IDO2: variants seen among roughly 807,000 people sequenced by gnomAD.
IDO2 encodes indoleamine 2,3-dioxygenase 2.
In IDO2, 46 loss-of-function variants were observed where a neutral mutation model predicts 45.1. That is an observed-to-expected ratio of 1.02 (90% CI 0.80 to 1.30). The LOEUF is 1.30. Ranked by LOEUF, IDO2 falls within the 50% of genes most tolerant of loss-of-function variation. The pLI is 0.00. For synonymous variants in IDO2, 218 were observed against 184.9 expected (o/e 1.18, Z -1.45); for missense variants, 544 against 491.8 (o/e 1.11, Z -1.00).
intron 1 of IDO2, among the ~76,000 whole-genome samples, chr8:39,945,962 C>T (rs1807721644): frequency 6.6e-6 from 1 of 152,214 alleles, no homozygotes; most frequent in Admixed American, 6.5e-5. Context: ...AAGATAGTAA[C>T]AGCCCTTTCC....
chr8:39,940,770 T>A lies in IDO2; in HGVS notation c.-18+5552T>A, dbSNP rs184659117. Among the ~76,000 whole-genome samples, 846 of 152,130 alleles carry A rather than the reference T, an allele frequency of 5.6e-3. 8 individuals carry two copies. Among genetic ancestry groups the A allele is most frequent in the South Asian group, 0.015 (73 of 4,820 alleles). ...CATCCCACCCTCTGGTAACCACTGTTCTACTCTCTGCTTCCCAAAACAAAG... is the reference window on the plus strand; with the variant it reads ...CATCCCACCCTCTGGTAACCACTGTACTACTCTCTGCTTCCCAAAACAAAG... On this transcript the variant is annotated intron_variant, in intron 1 of 10. Transcript: ENST00000502986.
intron 1 of IDO2, among the ~76,000 whole-genome samples, chr8:39,945,102 A>T (rs1301850720): frequency 2.6e-5 from 4 of 152,258 alleles, no homozygotes; most frequent in Non-Finnish European, 5.9e-5. Flanking sequence ...AAAGTTCATA[A>T]ATTTGAAAAG....
intron 1 of IDO2, among the ~76,000 whole-genome samples, chr8:39,945,660 A>G (rs923553065): frequency 1.3e-5 from 2 of 152,208 alleles, no homozygotes; most frequent in South Asian, 4.1e-4. Flanking sequence ...CTGACATTCC[A>G]TCTAGTAATG....
At chr8:39,971,931 C>T (rs1808185766) in intron 3 of IDO2, among the ~76,000 whole-genome samples, 1 of 152,072 alleles carries the variant, frequency 6.6e-6, no homozygotes, top group South Asian at 2.1e-4. Context: ...GCCTCAGCCT[C>T]CCGAGTTCCT....
At chr8:39,981,907 G>A (rs577822368) in intron 4 of IDO2, among the ~76,000 whole-genome samples, 1 of 152,234 alleles carries the variant, frequency 6.6e-6, no homozygotes, top group East Asian at 1.9e-4. Flanking sequence ...GCCGTGGAGG[G>A]TTCCTTGGAT....
chr8:39,962,486 C>A (rs1246788434), intron 2 of IDO2, among the ~76,000 whole-genome samples: 5 of 152,184 alleles, frequency 3.3e-5, no homozygotes, highest in Admixed American at 6.5e-5. Flanking sequence ...TTTCATGTAA[C>A]TTTCTAGGCT....
chr8:39,980,656 C>T (rs1808328637), intron 4 of IDO2, among the ~76,000 whole-genome samples: 1 of 152,196 alleles, frequency 6.6e-6, no homozygotes, highest in African/African-American at 2.4e-5. Flanking sequence ...ATTGATCCTA[C>T]CTCTTGTCTC....
chr8:39,942,285 A>G (rs537520146), intron 1 of IDO2, among the ~76,000 whole-genome samples: 1 of 152,336 alleles, frequency 6.6e-6, no homozygotes, highest in Admixed American at 6.5e-5. Flanking sequence ...CCAGGTGTTG[A>G]AAGGCCATGT....
At chr8:39,976,219 TGCCCGTCTCA>T (rs1013705793) in intron 3 of IDO2, among the ~76,000 whole-genome samples, 18 of 152,168 alleles carry the variant, frequency 1.2e-4, no homozygotes, top group African/African-American at 4.3e-4. Context: ...TCAAGTGATC[TGCCCGTCTCA>T]GCCTCCCAAA....
Position 40,013,782 on chromosome 8 carries a change from A to C in IDO2, c.868+69A>C. ...GAGGAGAGGTGTTTTTTTTTTTTCC[A>C]ATTGATAAAACCAAATATAAATTAA... On this transcript the variant is annotated intron_variant, in intron 10 of 10. Coordinates refer to ENST00000502986, the Ensembl canonical transcript of IDO2. 2 of 958,116 alleles carry C rather than the reference A, an allele frequency of 2.1e-6. 1 individual carries two copies. The highest frequency in any genetic ancestry group is 3.0e-6 in the Non-Finnish European group (2 of 676,112). The allele number at this position is 958,116 out of a possible 1,614,324, so 59.4% of individuals were successfully genotyped here. A position where few individuals can be genotyped will look rare whatever the true frequency, so the allele number is the denominator to read the frequency against.
chr8:39,953,234 C>T (rs1807837509), intron 2 of IDO2, among the ~76,000 whole-genome samples: 1 of 152,162 alleles, frequency 6.6e-6, no homozygotes. Context: ...CTGTAAATGA[C>T]ATGATGCATC....
At chr8:39,992,178 A>G (rs1264216362) in intron 8 of IDO2, among the ~76,000 whole-genome samples, 1 of 152,048 alleles carries the variant, frequency 6.6e-6, no homozygotes, top group East Asian at 1.9e-4. Flanking sequence ...CTTGTGATGT[A>G]CGTGTTGCCA....
chr8:39,997,621 T>C (rs1454174545), intron 8 of IDO2, among the ~76,000 whole-genome samples: 1 of 152,126 alleles, frequency 6.6e-6, no homozygotes, highest in Non-Finnish European at 1.5e-5. Context: ...GGTCACACCA[T>C]TGTACTGAAG....
At chr8:39,970,867 A>G (rs945658544) in intron 3 of IDO2, among the ~76,000 whole-genome samples, 2 of 150,794 alleles carry the variant, frequency 1.3e-5, no homozygotes, top group Non-Finnish European at 2.9e-5. Context: ...CCCGGGTTCA[A>G]GTGTTTCCCC....
chr8:39,984,525 T>G (rs1453923869), intron 5 of IDO2, among the ~76,000 whole-genome samples: 1 of 152,112 alleles, frequency 6.6e-6, no homozygotes, highest in African/African-American at 2.4e-5. Context: ...ATTAATAGCT[T>G]CCTAGGGAGT....
intron 2 of IDO2, among the ~76,000 whole-genome samples, chr8:39,958,072 A>AT (rs1291445344): frequency 6.6e-6 from 1 of 151,374 alleles, no homozygotes; most frequent in Non-Finnish European, 1.5e-5. Context: ...TGCCCGGCTC[A>AT]TTTTTTGTAT....
intron 3 of IDO2, among the ~76,000 whole-genome samples, chr8:39,970,757 A>G (rs1585405312): frequency 7.2e-6 from 1 of 139,558 alleles, no homozygotes; most frequent in African/African-American, 2.7e-5. Flanking sequence ...GAAGATTCCA[A>G]CCAGGACTTT....
intron 2 of IDO2, among the ~76,000 whole-genome samples, chr8:39,950,318 G>A (rs1807794636): frequency 6.6e-6 from 1 of 152,164 alleles, no homozygotes; most frequent in Non-Finnish European, 1.5e-5. Context: ...ATCACTTGAG[G>A]TTCAGGAGTT....
chr8:39,954,740 T>C (rs1253650214), intron 2 of IDO2, among the ~76,000 whole-genome samples: 3 of 148,602 alleles, frequency 2.0e-5, no homozygotes, highest in East Asian at 2.0e-4. Context: ...ACTGCAACCT[T>C]TGCCTCCCGG....
Sources: gnomAD v4.1 joint callset for allele counts (sites outside exome capture counted in the v4.1 genomes callset) on GRCh38, gnomAD v4.1.1 for gene constraint, MANE v1.5 for transcripts, NCBI Gene and HGNC (gene_info 2026-07-23, HGNC 2026-07-21) for gene names.